The following BCL2L11 variants were observed in gnomAD, a reference collection of about 807,000 sequenced individuals.
BCL2L11 encodes BCL2 like 11.
Under a neutral mutation model 20.6 loss-of-function variants are expected in BCL2L11, and 15 were observed. The ratio of observed to expected loss-of-function variants is 0.73; its 90% CI spans 0.49 to 1.12. BCL2L11 has a LOEUF of 1.12. Ranked by LOEUF, BCL2L11 falls within the 50% of genes most tolerant of loss-of-function variation. The pLI, the probability that BCL2L11 is intolerant of heterozygous loss-of-function variation, is 0.00. For synonymous variants in BCL2L11, 108 were observed against 92.8 expected, an observed-to-expected ratio of 1.16 and a Z score of -0.94; for missense variants, 292 against 260.9, an observed-to-expected ratio of 1.12 and a Z score of -0.82.
At chr2:111,130,530 G>C (rs1351953835) in intron 2 of BCL2L11, among the ~76,000 whole-genome samples, 1 of 152,192 alleles carries the variant, frequency 6.6e-6, no homozygotes, top group East Asian at 1.9e-4. Context: ...TTTCCTGGGA[G>C]GTCTATATAG....
intron 3 of BCL2L11, chr2:111,150,366 G>A (rs1197141840): frequency 6.0e-6 from 5 of 836,604 alleles, no homozygotes; most frequent in Non-Finnish European, 8.5e-6. Flanking sequence ...AGGCAGCAAA[G>A]GAATTTTATG....
chr2:111,150,172 T>C, intron 3 of BCL2L11, 25 bp downstream of exon 3: 1 of 1,610,538 alleles, frequency 6.2e-7, no homozygotes, highest in Non-Finnish European at 8.5e-7. Flanking sequence ...TTTACCCGCT[T>C]TTCTGCTCAC....
rs572257286 is a variant in BCL2L11, at chr2:111,164,188, G to T, written c.554G>T (p.Arg185Leu). The T allele has an allele frequency of 1.2e-6, 2 of 1,612,428 alleles. No homozygotes were observed. The highest frequency in any genetic ancestry group is 1.7e-6 in the Non-Finnish European group (2 of 1,178,836). The change falls in exon 4 of 4, where the codon CGA becomes CTA. Residue 185 changes from arginine to leucine, a missense_variant. Physicochemically the swap from Arg to Leu is moderately radical, Grantham distance 102. Transcript: ENST00000393256. Reference sequence around the variant, plus strand: ...GACCACCCACGAATGGTTATCTTACGACTGTTACGTTACATTGTCCGCCTG... The same window carrying T: ...GACCACCCACGAATGGTTATCTTACTACTGTTACGTTACATTGTCCGCCTG... ...AEDHPRMVIL[R>L]LLRYIVRLVW...
chr2:111,140,105 G>A (rs755246066), intron 2 of BCL2L11, among the ~76,000 whole-genome samples: 3 of 152,206 alleles, frequency 2.0e-5, no homozygotes, highest in Admixed American at 6.5e-5. Flanking sequence ...CCGAACTTGG[G>A]GATTTGGACA....
intron 2 of BCL2L11, among the ~76,000 whole-genome samples, chr2:111,138,917 G>A (rs1455569195): frequency 6.6e-6 from 1 of 152,166 alleles, no homozygotes; most frequent in African/African-American, 2.4e-5. Context: ...GCCCCTGGTA[G>A]AAACTCGCAC....
At chr2:111,158,303 G>T (rs1157222952) in intron 3 of BCL2L11, among the ~76,000 whole-genome samples, 1 of 152,116 alleles carries the variant, frequency 6.6e-6, no homozygotes, top group African/African-American at 2.4e-5. Context: ...AATCAGGGGG[G>T]TGACTCCTAG....
At chr2:111,161,377 A>G in intron 3 of BCL2L11, 1 of 1,547,980 alleles carries the variant, frequency 6.5e-7, no homozygotes, top group Non-Finnish European at 8.7e-7. Context: ...TATATTACCC[A>G]GTTTGGGAGT....
intron 3 of BCL2L11, among the ~76,000 whole-genome samples, chr2:111,159,167 G>A (rs143848158): frequency 2.0e-5 from 3 of 152,354 alleles, no homozygotes; most frequent in Middle Eastern, 3.4e-3. Flanking sequence ...GGCACAGGGT[G>A]TGCGAGGAGG....
intron 2 of BCL2L11, among the ~76,000 whole-genome samples, chr2:111,143,039 T>A (rs997826775): frequency 3.3e-5 from 5 of 152,242 alleles, no homozygotes; most frequent in Admixed American, 3.3e-4. Flanking sequence ...GGGATTTGTG[T>A]CTTTGCACTA....
rs1009818173 is a variant in BCL2L11, at chr2:111,146,337, T to C, written c.395-3707T>C. 5.9e-6 allele frequency: 4 copies of C among 672,848 alleles called. No homozygotes were observed. The African/African-American group carries it at 7.8e-5, about 13-fold the overall frequency. The allele number at this position is 672,848 out of a possible 1,614,324, so 41.7% of individuals were successfully genotyped here. ...ACACATTGCAGATAGCAAAATAAAA[T>C]ATTTATGCTTGGTTCTTACTTTTCT... On this transcript the variant is annotated intron_variant, in intron 2 of 3. Coordinates refer to ENST00000393256, the MANE Select transcript of BCL2L11 (RefSeq NM_138621.5).
At chr2:111,149,845 C>T (rs1488139327) in intron 2 of BCL2L11, among the ~76,000 whole-genome samples, 199 bp from the exon 3 acceptor site, 2 of 152,180 alleles carry the variant, frequency 1.3e-5, no homozygotes, top group Non-Finnish European at 2.9e-5. Flanking sequence ...TTCTATATCT[C>T]TTATTCTTTA....
At chr2:111,157,319 C>A (rs2077991928) in intron 3 of BCL2L11, among the ~76,000 whole-genome samples, 1 of 152,162 alleles carries the variant, frequency 6.6e-6, no homozygotes, top group South Asian at 2.1e-4. Flanking sequence ...CTGCTGCAGA[C>A]GTTCAAAAAT....
At chr2:111,153,870 C>T in intron 3 of BCL2L11, 1 of 1,550,532 alleles carries the variant, frequency 6.4e-7, no homozygotes, top group East Asian at 2.4e-5. Context: ...GCTGTGGAGG[C>T]TGAATCCTTG....
At chr2:111,153,965 TGAAC>T in intron 3 of BCL2L11, 1 of 1,435,774 alleles carries the variant, frequency 7.0e-7, no homozygotes, top group Non-Finnish European at 9.2e-7. Context: ...CATTCCCAGG[TGAAC>T]CTGCCGGGCT....
Position 111,166,827 on chromosome 2 carries a change from G to T in BCL2L11, c.*2596G>T, listed in dbSNP as rs932179614. ...TCCTTCTGATTAAAAAAATATAGTG[G>T]AATACAATTGTCTGCCGTTTCCCCT... On this transcript the variant is annotated 3_prime_UTR_variant, in exon 4 of 4. Coordinates refer to ENST00000393256, the MANE Select transcript of BCL2L11 (RefSeq NM_138621.5). 1 of 152,524 alleles carries T rather than the reference G, an allele frequency of 6.6e-6. No homozygotes were observed. Among genetic ancestry groups the T allele is most frequent in the African/African-American group, 2.4e-5 (1 of 41,412 alleles). The allele number at this position is 152,524 out of a possible 1,614,324, so 9.4% of individuals were successfully genotyped here. A position where few individuals can be genotyped will look rare whatever the true frequency, so the allele number is the denominator to read the frequency against.
chr2:111,152,543 G>A (rs545615021), intron 3 of BCL2L11, among the ~76,000 whole-genome samples: 1 of 152,356 alleles, frequency 6.6e-6, no homozygotes, highest in South Asian at 2.1e-4. Flanking sequence ...CTCCATGGCT[G>A]CCATGAGTGG....
intron 2 of BCL2L11, among the ~76,000 whole-genome samples, chr2:111,141,312 C>T (rs949249009): frequency 1.3e-5 from 2 of 151,506 alleles, no homozygotes; most frequent in Admixed American, 1.3e-4. Flanking sequence ...GGCACATATA[C>T]ACCATGGAAT....
intron 2 of BCL2L11, chr2:111,131,733 C>T (rs2073988879): frequency 6.6e-6 from 1 of 152,104 alleles, no homozygotes; most frequent in East Asian, 1.9e-4. Flanking sequence ...TATTTACAAA[C>T]AGAAACCCTA....
intron 2 of BCL2L11, chr2:111,128,535 G>C: frequency 7.1e-7 from 1 of 1,415,130 alleles, no homozygotes. Flanking sequence ...TCTCCATAGA[G>C]GCTGTGCCAT....
Sources: allele counts gnomAD v4.1 joint callset (sites outside exome capture counted in the v4.1 genomes callset), GRCh38; gene constraint gnomAD v4.1.1; transcripts MANE v1.5; gene names NCBI Gene and HGNC (gene_info 2026-07-23, HGNC 2026-07-21).